Variants in OXNAD1 observed in about 807,000 individuals in gnomAD.
The protein encoded by OXNAD1 is oxidoreductase NAD binding domain containing 1, also known as oxidoreductase NAD-binding domain-containing protein 1.
A neutral mutation model predicts 32.9 loss-of-function variants in OXNAD1; 34 were observed. The ratio of observed to expected loss-of-function variants is 1.03; its 90% CI spans 0.79 to 1.38. The LOEUF (loss-of-function observed/expected upper bound fraction) is 1.38. OXNAD1 is among the 40% of genes most tolerant of loss of function. OXNAD1 has a pLI of 0.00. For synonymous variants in OXNAD1, 134 were observed against 135.2 expected, an observed-to-expected ratio of 0.99 and a Z score of 0.06; for missense variants, 407 against 379.4, an observed-to-expected ratio of 1.07 and a Z score of -0.60.
downstream of OXNAD1, among the ~76,000 whole-genome samples, chr3:16,341,173 G>A (rs1455146555): frequency 1.3e-5 from 2 of 152,244 alleles, no homozygotes; most frequent in Non-Finnish European, 2.9e-5. This position sits in a 1 kb window ranked among gnomAD's most constrained non-coding sequence, Gnocchi z 4.7. Context: ...CGGTGAGGAT[G>A]TGGAACAACA....
At position 16,280,647 on chromosome 3, in the gene OXNAD1, T is replaced by C. The variant is rs1174906629; in HGVS notation, c.184-5695T>C. Among the ~76,000 whole-genome samples, 1 of 152,192 alleles carries C rather than the reference T, an allele frequency of 6.6e-6. No homozygotes were observed. Among genetic ancestry groups the C allele is most frequent in the Non-Finnish European group, 1.5e-5 (1 of 68,036 alleles). On this transcript the variant is annotated intron_variant, in intron 4 of 8. Coordinates refer to ENST00000285083, the MANE Select transcript of OXNAD1 (RefSeq NM_138381.5). The surrounding 1 kb of genome is among the most constrained non-coding windows in gnomAD (Gnocchi z 4.5). ...ATCTCTAGTCATGGCTTTGCCTAAA[T>C]TTTTAAGCCAGAAAATGAATGAACA...
rs1275111613 is a variant in OXNAD1, at chr3:16,277,711, C to A, written c.183+5989C>A. On this transcript the variant is annotated intron_variant, in intron 4 of 8. Transcript: ENST00000285083. This position sits in a 1 kb window ranked among gnomAD's most constrained non-coding sequence, Gnocchi z 4.3. ...AATGGAATACTCACCCAGAAATGTT[C>A]TTTTGGTTTTGGGCATGTATTTCCT... is the stretch of plus-strand genomic sequence containing the variant. 6.6e-6 allele frequency among the ~76,000 whole-genome samples: 1 copy of A among 152,138 alleles called. No homozygotes were observed. The highest frequency in any genetic ancestry group is 1.5e-5 in the Non-Finnish European group (1 of 68,032).
chr3:16,285,252 G>A (rs1167951994), intron 4 of OXNAD1, among the ~76,000 whole-genome samples: 2 of 152,204 alleles, frequency 1.3e-5, no homozygotes, highest in African/African-American at 4.8e-5. Context: ...CTAATAGTTT[G>A]ATGAGATTTA....
chr3:16,324,819 A>G (rs1443048519), intron 9 of OXNAD1, among the ~76,000 whole-genome samples: 1 of 152,114 alleles, frequency 6.6e-6, no homozygotes, highest in Non-Finnish European at 1.5e-5. Flanking sequence ...TACTGATTTC[A>G]GTTCCTTTGG....
In OXNAD1 at chr3:16,322,754, C is replaced by G. The variant is rs879308561; in HGVS notation, c.*31-14358C>G. Among the ~76,000 whole-genome samples the G allele has an allele frequency of 1.3e-5, 2 of 152,172 alleles. No individual in the cohort carries two copies. The highest frequency in any genetic ancestry group is 2.9e-5 in the Non-Finnish European group (2 of 68,034). On this transcript the variant is annotated intron_variant, in intron 9 of 9. Coordinates refer to the OXNAD1 transcript ENST00000435829. This position sits in a 1 kb window ranked among gnomAD's most constrained non-coding sequence, Gnocchi z 6.2. ...GAAGACTCTCTGAGAAGGCCAGTCTCTGTGCGACTGTTTCTAGGGTAGTTC... is the reference window on the plus strand; with the variant it reads ...GAAGACTCTCTGAGAAGGCCAGTCTGTGTGCGACTGTTTCTAGGGTAGTTC...
rs1303427990 is a variant in OXNAD1, at chr3:16,335,526, C to A, written c.*31-1586C>A. ...TAACGCAGGAACAGAAAATCAAACA[C>A]CACATGTTCTCACTTACAAGTGGGA... is the stretch of plus-strand genomic sequence containing the variant. On this transcript the variant is annotated intron_variant, in intron 9 of 9. Transcript: ENST00000435829. This position sits in a 1 kb window ranked among gnomAD's most constrained non-coding sequence, Gnocchi z 4.7. Among the ~76,000 whole-genome samples, 1 of 152,164 alleles carries A rather than the reference C, an allele frequency of 6.6e-6. No homozygotes were observed. Among genetic ancestry groups the A allele is most frequent in the East Asian group, 1.9e-4 (1 of 5,186 alleles).
chr3:16,337,754 A>G (rs183997293), downstream of OXNAD1, among the ~76,000 whole-genome samples: 186 of 151,946 alleles, frequency 1.2e-3, 1 homozygote, highest in Admixed American at 9.1e-3. This position sits in a 1 kb window ranked among gnomAD's most constrained non-coding sequence, Gnocchi z 5.0. Context: ...AAAAAAAAAA[A>G]AAAGAAAAGA....
rs112494038 is a variant in OXNAD1 at position 16,299,547 on chromosome 3, CAT to C, written c.433-2078_433-2077del. Among the ~76,000 whole-genome samples the C allele has an allele frequency of 0.41, 61,836 of 151,706 alleles. 12,729 individuals carry two copies. Among genetic ancestry groups the C allele is most frequent in the South Asian group, 0.52 (2,524 of 4,816 alleles). On this transcript the variant is annotated intron_variant, in intron 6 of 8. Coordinates refer to ENST00000285083, the MANE Select transcript of OXNAD1 (RefSeq NM_138381.5). This position sits in a 1 kb window ranked among gnomAD's most constrained non-coding sequence, Gnocchi z 4.4. ...TTTAACAGTTCTTTACCAAAAAAGA[CAT>C]GTTTTTGTGAATTCAAATAATTTTC...
At position 16,317,148 on chromosome 3, in the gene OXNAD1, G is replaced by A; in HGVS notation, c.*30+13556G>A. On this transcript the variant is annotated intron_variant, in intron 9 of 9. Transcript: ENST00000435829. The surrounding 1 kb of genome is among the most constrained non-coding windows in gnomAD (Gnocchi z 4.3). ...AAGTTCTTCTCATTTTCTTCTGCTTGTTGTTTGTCTCTGGCACTGAGTTTA... is the reference window on the plus strand; with the variant it reads ...AAGTTCTTCTCATTTTCTTCTGCTTATTGTTTGTCTCTGGCACTGAGTTTA... 1 of 1,613,572 alleles carries A rather than the reference G, an allele frequency of 6.2e-7. No individual in the cohort carries two copies. Among genetic ancestry groups the A allele is most frequent in the Non-Finnish European group, 8.5e-7 (1 of 1,179,942 alleles).
intron 9 of OXNAD1, among the ~76,000 whole-genome samples, chr3:16,326,316 G>A (rs906200261): frequency 2.0e-5 from 3 of 152,206 alleles, no homozygotes; most frequent in East Asian, 1.9e-4. Context: ...TCTTGGCCAA[G>A]TCCCTCAACC....
intron 4 of OXNAD1, among the ~76,000 whole-genome samples, chr3:16,281,258 A>C (rs1361917870): frequency 6.6e-6 from 1 of 152,232 alleles, no homozygotes; most frequent in Non-Finnish European, 1.5e-5. Context: ...TGAATTGTGC[A>C]GGGTATTTTA....
rs1304193015 is a variant in OXNAD1, at chr3:16,286,206, G to A, written c.184-136G>A. ...GTGGTAGGCTGAACTAAAGCAAAGT[G>A]TGTTTTACCTTGTTTGGCAATTTTC... On this transcript the variant is annotated intron_variant, in intron 4 of 8. Transcript: ENST00000285083. The A allele has an allele frequency of 2.3e-5, 15 of 646,772 alleles. No individual in the cohort carries two copies. In the African/African-American group the frequency reaches 2.5e-4, roughly 11 times the overall value. The allele number at this position is 646,772 out of a possible 1,614,324, so 40.1% of individuals were successfully genotyped here.
rs765619275 is a variant in OXNAD1, at chr3:16,345,788, C to CTGTCTGTGTGTGTGTG, written c.*31-3385_*31-3384insCTGTGTGTGTGTGTGT. Reference sequence around the variant, plus strand: ...TGAGCCAAAACCTTATAATAAATCTCTGTGTGTGTGTGTGTGTGTGTGTGT... The same window carrying CTGTCTGTGTGTGTGTG: ...TGAGCCAAAACCTTATAATAAATCTCTGTCTGTGTGTGTGTGTGTGTGTGTGTGTGTGTGTGTGTGT... On this transcript the variant is annotated intron_variant, in intron 9 of 9. Transcript: ENST00000606098. This position sits in a 1 kb window ranked among gnomAD's most constrained non-coding sequence, Gnocchi z 5.2. Among the ~76,000 whole-genome samples the CTGTCTGTGTGTGTGTG allele has an allele frequency of 2.8e-4, 36 of 127,232 alleles. No individual in the cohort carries two copies. Among genetic ancestry groups the CTGTCTGTGTGTGTGTG allele is most frequent in the South Asian group, 5.6e-4 (2 of 3,592 alleles). 83.5% of individuals were successfully genotyped at this position (127,232 alleles called of 152,430 possible).
chr3:16,323,233 C>T (rs774595848), intron 9 of OXNAD1: 35 of 630,070 alleles, frequency 5.6e-5, no homozygotes, highest in Non-Finnish European at 8.7e-5. Flanking sequence ...AGATGTGATT[C>T]GGGTTGCCAG....
intron 2 of OXNAD1, among the ~76,000 whole-genome samples, 197 bp downstream of exon 2, chr3:16,269,472 A>G (rs2064779409): frequency 6.6e-6 from 1 of 152,282 alleles, no homozygotes; most frequent in Non-Finnish European, 1.5e-5. Context: ...GAAGAAATAT[A>G]TCGTTTATCT....
chr3:16,309,159 A>G (rs1024524087), downstream of OXNAD1, among the ~76,000 whole-genome samples: 8 of 152,130 alleles, frequency 5.3e-5, no homozygotes, highest in African/African-American at 1.2e-4. Context: ...ATACACTTCA[A>G]ATTCTTGCTA....
Position 16,297,737 on chromosome 3 carries a change from G to A in OXNAD1, c.432+2740G>A, listed in dbSNP as rs989375959. Among the ~76,000 whole-genome samples the A allele has an allele frequency of 6.6e-5, 10 of 152,238 alleles. No homozygotes were observed. Among genetic ancestry groups the A allele is most frequent in the African/African-American group, 2.4e-4 (10 of 41,536 alleles). On this transcript the variant is annotated intron_variant, in intron 6 of 8. Transcript: ENST00000285083. This position sits in a 1 kb window ranked among gnomAD's most constrained non-coding sequence, Gnocchi z 4.3. ...GAGTGCAAGGAGGCAGTCCCAAAAG[G>A]TTACATACTGTAAAATCCCATTTTT...
At position 16,327,488 on chromosome 3, in the gene OXNAD1, T is replaced by C. The variant is rs2069825908; in HGVS notation, c.*31-9624T>C. On this transcript the variant is annotated intron_variant, in intron 9 of 9. Transcript: ENST00000435829. The surrounding 1 kb of genome is among the most constrained non-coding windows in gnomAD (Gnocchi z 4.2). ...AAAAAACTCAGCCCCGGCCGGGTGC[T>C]GTGGCTCACGTCTGTAATCCCAGCA... is the stretch of plus-strand genomic sequence containing the variant. Among the ~76,000 whole-genome samples, 1 of 152,030 alleles carries C rather than the reference T, an allele frequency of 6.6e-6. No homozygotes were observed. Among genetic ancestry groups the C allele is most frequent in the South Asian group, 2.1e-4 (1 of 4,824 alleles).
chr3:16,339,826 C>G (rs962933678), downstream of OXNAD1: 4 of 152,140 alleles, frequency 2.6e-5, no homozygotes, highest in African/African-American at 9.7e-5. Flanking sequence ...AGTATTTGTT[C>G]GATAATTAGT....
Sources: allele counts gnomAD v4.1 joint callset (sites outside exome capture counted in the v4.1 genomes callset), GRCh38; gene constraint gnomAD v4.1.1; non-coding constraint Gnocchi (gnomAD v3.1); transcripts MANE v1.5; gene names NCBI Gene and HGNC (gene_info 2026-07-23, HGNC 2026-07-21).